The following CSMD1 variants were observed in gnomAD, a reference collection of about 807,000 sequenced individuals.
CSMD1 encodes the protein CUB and Sushi multiple domains 1.
Under a neutral mutation model 417.5 loss-of-function variants are expected in CSMD1, and 213 were observed. That is an observed-to-expected ratio of 0.51 (90% CI 0.46 to 0.57). The LOEUF (loss-of-function observed/expected upper bound fraction) is 0.57. Among genes scored for constraint, CSMD1 ranks in the 20% least tolerant of loss-of-function variants. The pLI is 0.00. For synonymous variants in CSMD1, 2,862 were observed against 1,736.8 expected, an observed-to-expected ratio of 1.65 and a Z score of -16.11; for missense variants, 6,923 against 4,529.7, an observed-to-expected ratio of 1.53 and a Z score of -15.17.
At chr8:4,749,247 G>A (rs377550629) in intron 1 of CSMD1, among the ~76,000 whole-genome samples, 1 of 152,206 alleles carries the variant, frequency 6.6e-6, no homozygotes, top group African/African-American at 2.4e-5. Flanking sequence ...GTTATCTTTA[G>A]AGAGAATATG....
intron 3 of CSMD1, among the ~76,000 whole-genome samples, chr8:4,079,883 C>G (rs565818864): frequency 3.3e-5 from 5 of 152,228 alleles, no homozygotes; most frequent in African/African-American, 9.6e-5. Flanking sequence ...TCTTCATAGG[C>G]TGGGGCAGAA....
intron 28 of CSMD1, among the ~76,000 whole-genome samples, chr8:3,221,015 A>T (rs1037411232): frequency 6.7e-6 from 1 of 148,920 alleles, no homozygotes; most frequent in African/African-American, 2.5e-5. Flanking sequence ...AGAGAAGGTC[A>T]GGGTTTTTGC....
At chr8:4,657,380 T>C (rs1804298857) in intron 1 of CSMD1, among the ~76,000 whole-genome samples, 1 of 152,198 alleles carries the variant, frequency 6.6e-6, no homozygotes, top group Non-Finnish European at 1.5e-5. Flanking sequence ...TTTCTGCCTC[T>C]CTTTTCCTTT....
chr8:3,116,949 G>A (rs868816020), intron 42 of CSMD1, among the ~76,000 whole-genome samples: 1 of 151,920 alleles, frequency 6.6e-6, no homozygotes, highest in Non-Finnish European at 1.5e-5. Context: ...ATAGGTTACT[G>A]CTATCCTTAT....
intron 1 of CSMD1, among the ~76,000 whole-genome samples, chr8:4,974,257 C>G (rs549903708): frequency 6.6e-6 from 1 of 152,030 alleles, no homozygotes; most frequent in Non-Finnish European, 1.5e-5. Flanking sequence ...AACTCCTGAC[C>G]TCATGTGATC....
intron 7 of CSMD1, among the ~76,000 whole-genome samples, chr8:3,659,771 C>A (rs1299264000): frequency 6.6e-6 from 1 of 152,128 alleles, no homozygotes; most frequent in African/African-American, 2.4e-5. Context: ...TGGTAAAGAT[C>A]TTGAATTCCC....
intron 3 of CSMD1, among the ~76,000 whole-genome samples, chr8:4,165,139 A>G (rs902931531): frequency 6.6e-5 from 10 of 152,178 alleles, no homozygotes; most frequent in East Asian, 1.9e-4. Context: ...ACAGGTATCT[A>G]TATTTCAGCC....
intron 1 of CSMD1, among the ~76,000 whole-genome samples, chr8:4,894,099 A>G (rs1404233453): frequency 2.0e-5 from 3 of 152,064 alleles, no homozygotes; most frequent in African/African-American, 7.3e-5. Flanking sequence ...AAAAGTCTTC[A>G]TATAGGCCTG....
At chr8:4,234,884 G>A (rs1217424249) in intron 3 of CSMD1, among the ~76,000 whole-genome samples, 1 of 152,078 alleles carries the variant, frequency 6.6e-6, no homozygotes, top group African/African-American at 2.4e-5. Context: ...TCCTCGGTGT[G>A]TGAACAAAAA....
chr8:3,975,822 A>G (rs1375362239), intron 5 of CSMD1, among the ~76,000 whole-genome samples: 1 of 152,202 alleles, frequency 6.6e-6, no homozygotes, highest in Non-Finnish European at 1.5e-5. Context: ...TTATTCAAAT[A>G]CATTCTTCAT....
At chr8:4,176,303 T>A (rs1798038564) in intron 3 of CSMD1, among the ~76,000 whole-genome samples, 1 of 152,118 alleles carries the variant, frequency 6.6e-6, no homozygotes. Flanking sequence ...CAAGTGTCCA[T>A]CTTATCTATA....
At chr8:4,180,768 T>C (rs148780580) in intron 3 of CSMD1, among the ~76,000 whole-genome samples, 13 of 152,238 alleles carry the variant, frequency 8.5e-5, no homozygotes, top group African/African-American at 2.2e-4. Flanking sequence ...TTATCTAACA[T>C]TGTGTTAATC....
chr8:4,249,061 C>A (rs7011072), intron 3 of CSMD1, among the ~76,000 whole-genome samples: 13,751 of 152,162 alleles, frequency 0.09, 908 homozygotes, highest in East Asian at 0.34. Context: ...TACTATTAAT[C>A]TTCCTTGCTG....
chr8:3,585,235 G>A (rs1800549277), intron 9 of CSMD1, among the ~76,000 whole-genome samples: 1 of 152,202 alleles, frequency 6.6e-6, no homozygotes, highest in Non-Finnish European at 1.5e-5. Context: ...TTCACAGGCT[G>A]CAATGACACT....
At chr8:3,439,281 GTATATATATATATATA>G (rs1168340584) in intron 12 of CSMD1, among the ~76,000 whole-genome samples, 7 of 54,344 alleles carry the variant, frequency 1.3e-4, no homozygotes, top group Non-Finnish European at 2.3e-4. Flanking sequence ...GGCAATGTCA[GTATATATATATATATA>G]TATATATATA....
intron 5 of CSMD1, among the ~76,000 whole-genome samples, chr8:3,827,067 C>A (rs574734920): frequency 6.6e-6 from 1 of 152,254 alleles, no homozygotes; most frequent in African/African-American, 2.4e-5. Context: ...TAGGCATGAG[C>A]CACCAAGCCA....
chr8:3,512,544 T>A (rs545234556), intron 10 of CSMD1, among the ~76,000 whole-genome samples: 1 of 150,914 alleles, frequency 6.6e-6, no homozygotes, highest in South Asian at 2.1e-4. Context: ...GGTGGGTGAG[T>A]CCACAGCAGC....
chr8:4,202,271 T>C (rs1378451709), intron 3 of CSMD1, among the ~76,000 whole-genome samples: 1 of 152,180 alleles, frequency 6.6e-6, no homozygotes, highest in African/African-American at 2.4e-5. Flanking sequence ...TTTATTCATG[T>C]TACTGATTAT....
chr8:2,983,156 A>C (rs1426072517), intron 54 of CSMD1, among the ~76,000 whole-genome samples: 4 of 152,052 alleles, frequency 2.6e-5, no homozygotes. Context: ...TCTTATATTA[A>C]ACAGAATCTA....
Sources: allele counts gnomAD v4.1 joint callset (sites outside exome capture counted in the v4.1 genomes callset), GRCh38; gene constraint gnomAD v4.1.1; transcripts MANE v1.5; gene names NCBI Gene and HGNC (gene_info 2026-07-23, HGNC 2026-07-21).